Variants in RIMKLB observed in about 807,000 individuals in gnomAD.
The protein encoded by RIMKLB is ribosomal modification protein rimK like family member B, also known as beta-citrylglutamate synthase B.
In RIMKLB, 7 loss-of-function variants were observed where a neutral mutation model predicts 32.0. That is an observed-to-expected ratio of 0.22 (90% CI 0.12 to 0.41). RIMKLB has a LOEUF of 0.41. RIMKLB is among the 10% of genes least tolerant of loss of function. The pLI, the probability that RIMKLB is intolerant of heterozygous loss-of-function variation, is 1.00. For synonymous variants in RIMKLB, 172 were observed against 185.1 expected, an observed-to-expected ratio of 0.93 and a Z score of 0.57; for missense variants, 289 against 498.7, an observed-to-expected ratio of 0.58 and a Z score of 4.00.
At chr12:8,701,026 A>C (rs905080381) in intron 1 of RIMKLB, among the ~76,000 whole-genome samples, 21 of 152,292 alleles carry the variant, frequency 1.4e-4, no homozygotes, top group African/African-American at 5.1e-4. Context: ...AAATTTTATC[A>C]CTGCACTCCA....
the RIMKLB span, among the ~76,000 whole-genome samples, chr12:8,676,480 C>A: frequency 2.5e-3 from 345 of 140,120 alleles, 2 homozygotes; most frequent in African/African-American, 8.5e-3. Context: ...CTCACTGCAA[C>A]CTCTGCCTCC....
At chr12:8,772,095 G>C (rs1426019671) in intron 5 of RIMKLB, among the ~76,000 whole-genome samples, 1 of 152,098 alleles carries the variant, frequency 6.6e-6, no homozygotes, top group Non-Finnish European at 1.5e-5. Context: ...CACCATGTTG[G>C]CCAGGCTGGT....
intron 2 of RIMKLB, among the ~76,000 whole-genome samples, chr12:8,727,211 G>T (rs1946098415): frequency 6.6e-6 from 1 of 152,124 alleles, no homozygotes; most frequent in African/African-American, 2.4e-5. Flanking sequence ...AATAAAGTTG[G>T]CACTTTGGTT....
intron 2 of RIMKLB, among the ~76,000 whole-genome samples, chr12:8,732,748 T>C (rs1259035088): frequency 1.4e-5 from 2 of 144,842 alleles, no homozygotes; most frequent in Non-Finnish European, 2.9e-5. Flanking sequence ...CAGAAAATTA[T>C]ATATATATAC....
chr12:8,766,300 G>T (rs183757539), intron 5 of RIMKLB, among the ~76,000 whole-genome samples: 40 of 152,130 alleles, frequency 2.6e-4, no homozygotes, highest in African/African-American at 9.6e-4. Flanking sequence ...CGCCTTTCTT[G>T]ACCACAAAGA....
chr12:8,673,037 A>T, the RIMKLB span, among the ~76,000 whole-genome samples: 1 of 152,170 alleles, frequency 6.6e-6, no homozygotes, highest in African/African-American at 2.4e-5. Context: ...GCCCGCCACC[A>T]TGCCCAGCTA....
chr12:8,772,407 G>GATT (rs1163170694), intron 5 of RIMKLB, among the ~76,000 whole-genome samples: 2 of 152,140 alleles, frequency 1.3e-5, no homozygotes, highest in Non-Finnish European at 2.9e-5. Flanking sequence ...GTCATAGATG[G>GATT]ATTATTATTG....
At chr12:8,706,059 A>C (rs531105325) in intron 1 of RIMKLB, among the ~76,000 whole-genome samples, 295 of 152,268 alleles carry the variant, frequency 1.9e-3, no homozygotes, top group Non-Finnish European at 3.4e-3. Context: ...CCATTGCCTC[A>C]CCAGGTTGAT....
At chr12:8,674,448 C>T in the RIMKLB span, among the ~76,000 whole-genome samples, 1 of 151,838 alleles carries the variant, frequency 6.6e-6, no homozygotes, top group Non-Finnish European at 1.5e-5. Flanking sequence ...ACCGTGTTTG[C>T]CAGGATGGTC....
At chr12:8,741,892 A>G (rs1947577634) in intron 2 of RIMKLB, among the ~76,000 whole-genome samples, 1 of 151,672 alleles carries the variant, frequency 6.6e-6, no homozygotes. Context: ...CCGAATCTAA[A>G]ATAAAAGTTT....
At chr12:8,723,529 CAG>C (rs1428087882) in intron 2 of RIMKLB, among the ~76,000 whole-genome samples, 1 of 152,200 alleles carries the variant, frequency 6.6e-6, no homozygotes, top group African/African-American at 2.4e-5. Context: ...TTGCTTGACA[CAG>C]GGTCGCCACA....
downstream of RIMKLB, chr12:8,777,324 G>A (rs966040371): frequency 1.3e-5 from 13 of 989,082 alleles, no homozygotes; most frequent in Middle Eastern, 5.1e-4. Flanking sequence ...TTCAGTAGTG[G>A]ACAGAAATCT....
rs943219223 is a variant in RIMKLB, at chr12:8,699,431, T to G, written c.-57+1134T>G. Among the ~76,000 whole-genome samples, 21 of 152,202 alleles carry G rather than the reference T, an allele frequency of 1.4e-4. 1 individual carries two copies. Among genetic ancestry groups the G allele is most frequent in the Admixed American group, 3.3e-4 (5 of 15,278 alleles). On this transcript the variant is annotated intron_variant, in intron 1 of 5. Transcript: ENST00000535829. The stretch of plus-strand genomic sequence containing the variant: ...TAAAAAATGATTTCTTAAAAGCAAT[T>G]ATGAGAATACTTTTAAGATATTCAT...
At position 8,682,815 on chromosome 12, in the gene RIMKLB, A is replaced by G. The variant is rs184269398; in HGVS notation, n.219+997A>G. On this transcript the variant is annotated intron_variant and non_coding_transcript_variant, in intron 1 of 1. Transcript: ENST00000538758. ...AAAATAAATAAATTAAAAAAAAAAA[A>G]AAAAAGAAACGAGGTTTCTCCATGT... Among the ~76,000 whole-genome samples the G allele has an allele frequency of 1.9e-3, 291 of 149,376 alleles. 1 individual carries two copies. Among genetic ancestry groups the G allele is most frequent in the Non-Finnish European group, 3.3e-3 (220 of 67,084 alleles).
At chr12:8,675,012 T>C in the RIMKLB span, among the ~76,000 whole-genome samples, 1 of 151,050 alleles carries the variant, frequency 6.6e-6, no homozygotes, top group Non-Finnish European at 1.5e-5. Context: ...TACAGGTGCC[T>C]GCCACCACAC....
At chr12:8,728,732 T>TACTCAAGCAGTTTCCCA (rs1946261035) in intron 2 of RIMKLB, among the ~76,000 whole-genome samples, 2 of 151,994 alleles carry the variant, frequency 1.3e-5, no homozygotes, top group Non-Finnish European at 2.9e-5. Context: ...CACCTCAGGC[T>TACTCAAGCAGTTTCCCA]CCCTAGTAGT....
At chr12:8,782,110 T>C (rs1951108608), downstream of RIMKLB, among the ~76,000 whole-genome samples, 1 of 145,324 alleles carries the variant, frequency 6.9e-6, no homozygotes, top group East Asian at 2.1e-4. Flanking sequence ...ATATAAAAAT[T>C]TTAATGCTTT....
Position 8,712,465 on chromosome 12 carries a change from A to T in RIMKLB, c.-56-1346A>T, listed in dbSNP as rs137999281. ...AGTTATTAAATATTCAGAACTGCTAACCCTAGAGCATCCGACATTAAGTTA... is the reference window on the plus strand; with the variant it reads ...AGTTATTAAATATTCAGAACTGCTATCCCTAGAGCATCCGACATTAAGTTA... On this transcript the variant is annotated intron_variant, in intron 1 of 5. Coordinates refer to ENST00000535829, the MANE Select transcript of RIMKLB (RefSeq NM_001297776.2). 7.5e-3 allele frequency among the ~76,000 whole-genome samples: 1,138 copies of T among 152,306 alleles called. 6 individuals carry two copies. The highest frequency in any genetic ancestry group is 0.014 in the Middle Eastern group (4 of 294).
intron 1 of RIMKLB, among the ~76,000 whole-genome samples, chr12:8,682,806 A>AAG (rs1942453812): frequency 6.7e-6 from 1 of 148,224 alleles, no homozygotes; most frequent in Non-Finnish European, 1.5e-5. Context: ...AATAAATTAA[A>AAG]AAAAAAAAAA....
Sources: gnomAD v4.1 joint callset for allele counts (sites outside exome capture counted in the v4.1 genomes callset) on GRCh38, gnomAD v4.1.1 for gene constraint, MANE v1.5 for transcripts, NCBI Gene and HGNC (gene_info 2026-07-23, HGNC 2026-07-21) for gene names.